Variants in SGIP1 observed in about 807,000 individuals in gnomAD.
The protein encoded by SGIP1 is SH3GL interacting endocytic adaptor 1.
A neutral mutation model predicts 107.5 loss-of-function variants in SGIP1; 38 were observed. The ratio of observed to expected loss-of-function variants is 0.35; its 90% CI spans 0.27 to 0.46. The LOEUF (loss-of-function observed/expected upper bound fraction) is 0.46, where lower values mean the gene tolerates loss of function less well. Among genes scored for constraint, SGIP1 ranks in the 20% least tolerant of loss-of-function variants. The probability of loss-of-function intolerance (pLI) is 1.00; values close to 1 mark genes in which losing one functional copy is unlikely to be tolerated. For missense variants in SGIP1, 929 were observed against 1,019.5 expected (o/e 0.91, Z 1.21); for synonymous variants, 365 against 366.1 (o/e 1.00, Z 0.03).
chr1:66,684,740 T>C (rs1247101788), intron 15 of SGIP1, among the ~76,000 whole-genome samples: 1 of 152,250 alleles, frequency 6.6e-6, no homozygotes. Context: ...ATTTGTTCAA[T>C]TGAATTTACC....
chr1:66,538,194 G>C (rs974388687), intron 1 of SGIP1, among the ~76,000 whole-genome samples: 1 of 152,004 alleles, frequency 6.6e-6, no homozygotes, highest in African/African-American at 2.4e-5. Flanking sequence ...ATAACATTTG[G>C]AAAATTCTTT....
Position 66,687,487 on chromosome 1 carries a change from C to T in SGIP1, c.1316-1661C>T, listed in dbSNP as rs145037924. On this transcript the variant is annotated intron_variant, in intron 15 of 24. Transcript: ENST00000371037. The stretch of plus-strand genomic sequence containing the variant: ...AAGACTAGCCAAAGACTAAAAATAT[C>T]TATATTGAGAGAGAGATGTGCAAGC... Among the ~76,000 whole-genome samples the T allele has an allele frequency of 3.9e-3, 593 of 151,868 alleles. 10 individuals are homozygous for T. The highest frequency in any genetic ancestry group is 0.014 in the African/African-American group (569 of 41,382).
chr1:66,740,860 T>A, intron 23 of SGIP1, 138 bp downstream of exon 23: 1 of 621,500 alleles, frequency 1.6e-6, no homozygotes, highest in Admixed American at 3.2e-5. Context: ...CTTATTTCAA[T>A]TAATAAAAGC....
rs986769751 is a variant in SGIP1 at position 66,639,688 on chromosome 1, G to T, written c.172-89G>T. 11 of 1,059,558 alleles carry T rather than the reference G, an allele frequency of 1.0e-5. No homozygotes were observed. In the Admixed American group the frequency reaches 2.1e-4, roughly 21 times the overall value. 65.6% of individuals were successfully genotyped at this position (1,059,558 alleles called of 1,614,324 possible). A position where few individuals can be genotyped will look rare whatever the true frequency, so the allele number is the denominator to read the frequency against. ...CCAGTGCTGGATTTTGATAGCTTTT[G>T]CTAAATGCAGATAAGAGTTAAATGT... On this transcript the variant is annotated intron_variant, in intron 4 of 24. Coordinates refer to ENST00000371037, the MANE Select transcript of SGIP1 (RefSeq NM_032291.4).
chr1:66,587,612 TA>T (rs2062839759), intron 1 of SGIP1, among the ~76,000 whole-genome samples: 1 of 152,142 alleles, frequency 6.6e-6, no homozygotes, highest in Non-Finnish European at 1.5e-5. Flanking sequence ...TATTATTGCT[TA>T]ATCCTAACTA....
Position 66,677,014 on chromosome 1 carries a change from T to A in SGIP1, c.657T>A (p.Asp219Glu), listed in dbSNP as rs372401366. 2.9e-5 allele frequency: 46 copies of A among 1,609,922 alleles called. 1 individual carries two copies. In the African/African-American group the frequency reaches 5.2e-4, roughly 18 times the overall value. ...FDEQKTEVLL[D>E]QPEIWGSGQP... The stretch of plus-strand genomic sequence containing the variant: ...CTTTTTTGTTTCCAGTTCTTTTAGA[T>A]CAGCCTGAGATATGGGGTTCAGGCC... The change falls in exon 13 of 25, where the codon GAT becomes GAA. Residue 219 changes from aspartate (D) to glutamate (E), a missense_variant. Transcript: ENST00000371037.
At chr1:66,545,628 T>TTGTGTGTGTGTGTG (rs769603266) in intron 1 of SGIP1, among the ~76,000 whole-genome samples, 3,572 of 138,956 alleles carry the variant, frequency 0.026, 68 homozygotes, top group East Asian at 0.044. Context: ...ACTGAACAAA[T>TTGTGTGTGTGTGTG]TGTGTGTGTG....
At position 66,610,941 on chromosome 1, in the gene SGIP1, C is replaced by T. The variant is rs924766006; in HGVS notation, c.11-14906C>T. Reference sequence around the variant, plus strand: ...AAGTGGGAGCTAAGCTACAAGGATGCAAAGTCGTAAGAATGATGCAATGGA... The same window carrying T: ...AAGTGGGAGCTAAGCTACAAGGATGTAAAGTCGTAAGAATGATGCAATGGA... On this transcript the variant is annotated intron_variant, in intron 1 of 24. Transcript: ENST00000371037. 3.3e-5 allele frequency among the ~76,000 whole-genome samples: 5 copies of T among 151,186 alleles called. No individual in the cohort carries two copies. In the South Asian group the frequency reaches 6.3e-4, roughly 19 times the overall value.
At chr1:66,637,745 CTGTG>C (rs2076066319) in intron 4 of SGIP1, among the ~76,000 whole-genome samples, 1 of 148,864 alleles carries the variant, frequency 6.7e-6, no homozygotes, top group East Asian at 2.0e-4. Flanking sequence ...ATATATATAT[CTGTG>C]TGTGTGTATA....
chr1:66,541,072 C>A (rs887134371), intron 1 of SGIP1, among the ~76,000 whole-genome samples: 2 of 152,186 alleles, frequency 1.3e-5, no homozygotes, highest in Non-Finnish European at 1.5e-5. Context: ...TTTAATTTTT[C>A]TCTATGTTGT....
At chr1:66,690,751 G>T (rs2089636173) in intron 17 of SGIP1, among the ~76,000 whole-genome samples, 1 of 152,086 alleles carries the variant, frequency 6.6e-6, no homozygotes, top group Admixed American at 6.5e-5. Flanking sequence ...CATCATTTTT[G>T]GTTGTCCTTA....
At chr1:66,608,228 T>A (rs960784907) in intron 1 of SGIP1, among the ~76,000 whole-genome samples, 14 of 152,248 alleles carry the variant, frequency 9.2e-5, no homozygotes, top group African/African-American at 3.4e-4. Context: ...GAGTTTCATG[T>A]GATAATGCAT....
chr1:66,647,460 G>A (rs370529083), intron 7 of SGIP1, among the ~76,000 whole-genome samples: 2 of 152,094 alleles, frequency 1.3e-5, no homozygotes, highest in African/African-American at 4.8e-5. Flanking sequence ...GCTAACATTC[G>A]GGGTTTTATT....
At chr1:66,552,277 A>G (rs147405615) in intron 1 of SGIP1, among the ~76,000 whole-genome samples, 2 of 152,130 alleles carry the variant, frequency 1.3e-5, no homozygotes, top group Non-Finnish European at 2.9e-5. Context: ...TTTGTTGGCT[A>G]TTGGCTATGT....
At chr1:66,561,190 C>T (rs912237766) in intron 1 of SGIP1, among the ~76,000 whole-genome samples, 4 of 152,030 alleles carry the variant, frequency 2.6e-5, no homozygotes, top group African/African-American at 9.7e-5. Flanking sequence ...AATTTTTCTC[C>T]TTTTACAGAT....
At position 66,741,417 on chromosome 1, in the gene SGIP1, C is replaced by A. The variant is rs767858978; in HGVS notation, c.2445C>A (p.Ile815=). The A allele has an allele frequency of 6.3e-7, 1 of 1,583,706 alleles. No homozygotes were observed. The highest frequency in any genetic ancestry group is 8.6e-7 in the Non-Finnish European group (1 of 1,167,078). ...LVGAGYRFSL[I]KKRFAAGKYL... ...GAGCAGGGTATCGATTTTCACTCAT[C>A]AAGAAAAGGTTTGCTGCAGGTAAAT... The change falls in exon 24 of 25, where the codon ATC becomes ATA. Residue 815 remains isoleucine (I), a synonymous_variant. Transcript: ENST00000371037.
chr1:66,556,133 G>A (rs780014460), intron 1 of SGIP1, among the ~76,000 whole-genome samples: 2 of 152,108 alleles, frequency 1.3e-5, no homozygotes, highest in African/African-American at 2.4e-5. Flanking sequence ...GGTCAATGGA[G>A]CATAATATAA....
At chr1:66,586,144 G>C (rs926028825) in intron 1 of SGIP1, among the ~76,000 whole-genome samples, 6 of 152,034 alleles carry the variant, frequency 3.9e-5, no homozygotes, top group Non-Finnish European at 8.8e-5. Flanking sequence ...TACATTATCT[G>C]ATACTAAGTT....
intron 18 of SGIP1, among the ~76,000 whole-genome samples, chr1:66,708,484 T>C (rs1479000913): frequency 6.6e-6 from 1 of 152,144 alleles, no homozygotes; most frequent in Admixed American, 6.5e-5. Flanking sequence ...TTTGAGCAAG[T>C]GTACATTCAC....
Sources: gnomAD v4.1 joint callset for allele counts (sites outside exome capture counted in the v4.1 genomes callset) on GRCh38, gnomAD v4.1.1 for gene constraint, MANE v1.5 for transcripts, NCBI Gene and HGNC (gene_info 2026-07-23, HGNC 2026-07-21) for gene names.